The following CCDC15 variants were observed in gnomAD, a reference collection of about 807,000 sequenced individuals.
CCDC15 encodes coiled-coil domain containing 15, also known as coiled-coil domain-containing protein 15.
CCDC15 carries 105 observed loss-of-function variants against 114.5 expected under a neutral mutation model. The observed-to-expected ratio is 0.92, with a 90% CI of 0.78 to 1.08. The LOEUF is 1.08. Among genes scored for constraint, CCDC15 ranks in the 50% least tolerant of loss-of-function variants. CCDC15 has a pLI of 0.00. For missense variants in CCDC15, 1,105 were observed against 1,093.6 expected (o/e 1.01, Z -0.15); for synonymous variants, 334 against 377.8 (o/e 0.88, Z 1.34).
Position 125,040,616 on chromosome 11 carries a change from A to G in CCDC15, c.2761A>G (p.Ile921Val), listed in dbSNP as rs1948809476. The G allele has an allele frequency of 6.2e-7, 1 of 1,610,706 alleles. No homozygotes were observed. Among genetic ancestry groups the G allele is most frequent in the Non-Finnish European group, 8.5e-7 (1 of 1,178,192 alleles). Reference sequence around the variant, plus strand: ...ATATACTCGGGCACTACATTCATTCATCAATTCCTGTGATGTCCCTGGGGG... The same window carrying G: ...ATATACTCGGGCACTACATTCATTCGTCAATTCCTGTGATGTCCCTGGGGG... ...RAYTRALHSFINSCDVPGGNS... is the reference protein window; with the variant it reads ...RAYTRALHSFVNSCDVPGGNS... The change falls in exon 16 of 16, where the codon ATC (isoleucine) becomes GTC (valine). Residue 921 changes from isoleucine (I) to valine (V), a missense_variant. Physicochemically the swap from Ile to Val is conservative, Grantham distance 29 (BLOSUM62 3). Coordinates refer to ENST00000344762, the MANE Select transcript of CCDC15 (RefSeq NM_025004.3).
At chr11:124,983,170 G>T (rs552404238) in intron 6 of CCDC15, among the ~76,000 whole-genome samples, 1 of 152,150 alleles carries the variant, frequency 6.6e-6, no homozygotes, top group African/African-American at 2.4e-5. Context: ...TGGCCATTTT[G>T]TCTATCAGCT....
chr11:124,985,724 A>G (rs535386123), intron 6 of CCDC15, among the ~76,000 whole-genome samples: 30 of 150,664 alleles, frequency 2.0e-4, no homozygotes, highest in African/African-American at 6.5e-4. Context: ...ATATAAATTT[A>G]TACATAAAAT....
Position 124,977,500 on chromosome 11 carries a change from C to T in CCDC15, c.653C>T (p.Ala218Val), listed in dbSNP as rs1255447011. ...CAGGAAGTGCTTTCCAGGAAACCAG[C>T]ATCCACTGGGATAAATACAGGAATA... ...TREEVLSRKP[A>V]STGINTGIRG... Residue 218 changes from alanine to valine, a missense_variant, in exon 6 of 16, where the codon GCA (alanine) becomes GTA (valine). Ala to Val is a moderately conservative substitution (Grantham distance 64). Transcript: ENST00000344762. 6.3e-6 allele frequency: 10 copies of T among 1,598,724 alleles called. No individual in the cohort carries two copies. Among genetic ancestry groups the T allele is most frequent in the Non-Finnish European group, 8.5e-6 (10 of 1,172,392 alleles).
chr11:124,978,450 A>G (rs1317972940), intron 6 of CCDC15, among the ~76,000 whole-genome samples: 6 of 152,172 alleles, frequency 3.9e-5, no homozygotes, highest in Non-Finnish European at 8.8e-5. Context: ...TGCTTTCCAC[A>G]ATGGCCGAAC....
intron 13 of CCDC15, among the ~76,000 whole-genome samples, chr11:125,006,994 G>T (rs1225724096): frequency 6.6e-6 from 1 of 152,074 alleles, no homozygotes; most frequent in Non-Finnish European, 1.5e-5. Context: ...GTAATATTTT[G>T]ATAACATGCA....
At position 125,038,414 on chromosome 11, in the gene CCDC15, T is replaced by A. The variant is rs968428451; in HGVS notation, c.2412-17T>A. ...AATTTTATGAAATTCCTAACCATGT[T>A]ATGATTTTATTTTCAGAATTAAGAA... is the stretch of plus-strand genomic sequence containing the variant. On this transcript the variant is annotated splice_polypyrimidine_tract_variant and intron_variant, in intron 13 of 15. Transcript: ENST00000344762. 4.3e-6 allele frequency: 6 copies of A among 1,400,536 alleles called. No individual in the cohort carries two copies. The highest frequency in any genetic ancestry group is 6.0e-5 in the Admixed American group (2 of 33,510). The allele number at this position is 1,400,536 out of a possible 1,614,324, so 86.8% of individuals were successfully genotyped here. A position where few individuals can be genotyped will look rare whatever the true frequency, so the allele number is the denominator to read the frequency against.
At chr11:125,009,308 A>C (rs528547551) in intron 13 of CCDC15, among the ~76,000 whole-genome samples, 1 of 152,180 alleles carries the variant, frequency 6.6e-6, no homozygotes, top group Non-Finnish European at 1.5e-5. Context: ...TGCATAATGC[A>C]CTAAACAAAG....
chr11:124,958,350 CTA>C lies in CCDC15; in HGVS notation c.178-763_178-762del, dbSNP rs1208793941. 1.5e-4 allele frequency among the ~76,000 whole-genome samples: 22 copies of C among 149,216 alleles called. No individual in the cohort carries two copies. The East Asian group carries it at 4.3e-3, about 29-fold the overall frequency. On this transcript the variant is annotated intron_variant, in intron 2 of 15. Transcript: ENST00000344762. ...AATTAATAAATTTTCTTAATTAACA[CTA>C]TGAGTTTTTTTGTGATTTTTTTTTT...
chr11:125,032,554 A>G (rs943741422), intron 13 of CCDC15, among the ~76,000 whole-genome samples: 19 of 152,348 alleles, frequency 1.2e-4, no homozygotes, highest in Non-Finnish European at 2.2e-4. Context: ...CCAACCCTGC[A>G]TCTTTCGAGT....
In CCDC15 at chr11:124,988,955, C is replaced by T. The variant is rs187537737; in HGVS notation, c.1908+821C>T. ...CCTCAAAGTCCATGAGGGTTCGAAT[C>T]AACTTCTTCCAAACTCCTGTTAAGG... is the stretch of plus-strand genomic sequence containing the variant. On this transcript the variant is annotated intron_variant, in intron 8 of 15. Coordinates refer to ENST00000344762, the MANE Select transcript of CCDC15 (RefSeq NM_025004.3). Among the ~76,000 whole-genome samples, 29 of 152,320 alleles carry T rather than the reference C, an allele frequency of 1.9e-4. No homozygotes were observed. The East Asian group carries it at 4.1e-3, about 21-fold the overall frequency.
At chr11:125,018,316 C>G (rs1948641199) in intron 13 of CCDC15, among the ~76,000 whole-genome samples, 1 of 152,034 alleles carries the variant, frequency 6.6e-6, no homozygotes, top group South Asian at 2.1e-4. Context: ...ATGTACTGTA[C>G]AGGCTTGTAG....
At chr11:124,955,459 T>G (rs929029564) in intron 2 of CCDC15, among the ~76,000 whole-genome samples, 2 of 152,258 alleles carry the variant, frequency 1.3e-5, no homozygotes, top group African/African-American at 4.8e-5. Context: ...CCTTAGCTAT[T>G]TGTTCAAATT....
Position 124,987,897 on chromosome 11 carries a change from T to C in CCDC15, c.1671T>C (p.Cys557=). The C allele has an allele frequency of 6.2e-7, 1 of 1,613,988 alleles. No homozygotes were observed. The highest frequency in any genetic ancestry group is 8.5e-7 in the Non-Finnish European group (1 of 1,179,882). ...AAGACTGGAATATTCTACCCAAATG[T>C]CAGGACCAGGATTTTCTACCCAGAG... is the stretch of plus-strand genomic sequence containing the variant. The part of the protein sequence containing the change: ...LPKDWNILPK[C]QDQDFLPRDQ... The change falls in exon 8 of 16, where the codon TGT becomes TGC. Residue 557 remains cysteine, a synonymous_variant. Coordinates refer to ENST00000344762, the MANE Select transcript of CCDC15 (RefSeq NM_025004.3).
At chr11:124,964,167 A>G (rs1158418698) in intron 4 of CCDC15, among the ~76,000 whole-genome samples, 1 of 152,128 alleles carries the variant, frequency 6.6e-6, no homozygotes, top group Non-Finnish European at 1.5e-5. Flanking sequence ...AGTTTTTTCC[A>G]GTTCTGTGAA....
At chr11:124,976,685 C>T (rs891055054) in intron 5 of CCDC15, among the ~76,000 whole-genome samples, 3 of 152,060 alleles carry the variant, frequency 2.0e-5, no homozygotes, top group Non-Finnish European at 4.4e-5. Flanking sequence ...GGAACATGCT[C>T]AGACCTTTCA....
intron 13 of CCDC15, among the ~76,000 whole-genome samples, chr11:125,023,806 A>G (rs1948677633): frequency 1.3e-5 from 2 of 152,076 alleles, no homozygotes; most frequent in South Asian, 4.1e-4. Context: ...GGGCAATAAA[A>G]ATGAAAGAAG....
At position 125,005,219 on chromosome 11, in the gene CCDC15, TATTCG is replaced by T. The variant is rs1182838623; in HGVS notation, c.2411+10_2411+14del. The stretch of plus-strand genomic sequence containing the variant: ...AAAAGAAGAAAATTGAAAAGTAAGT[TATTCG>T]ATCTGCTCTGTGAGCCTTAAATTGC... On this transcript the variant is annotated splice_region_variant and intron_variant, in intron 13 of 15. Transcript: ENST00000344762. 2.4e-6 allele frequency: 3 copies of T among 1,266,784 alleles called. No homozygotes were observed. In the East Asian group the frequency reaches 7.2e-5, roughly 30 times the overall value. 78.5% of individuals were successfully genotyped at this position (1,266,784 alleles called of 1,614,324 possible).
At chr11:125,014,688 A>G (rs1355095242) in intron 13 of CCDC15, among the ~76,000 whole-genome samples, 1 of 152,186 alleles carries the variant, frequency 6.6e-6, no homozygotes, top group Non-Finnish European at 1.5e-5. Context: ...TAACAGTACC[A>G]GATAGTGGCA....
chr11:124,981,868 A>C (rs189114536), intron 6 of CCDC15, among the ~76,000 whole-genome samples: 1 of 152,166 alleles, frequency 6.6e-6, no homozygotes, highest in African/African-American at 2.4e-5. Flanking sequence ...TGATCCGCCC[A>C]CCTCAGCTTC....
Sources: allele counts gnomAD v4.1 joint callset (sites outside exome capture counted in the v4.1 genomes callset), GRCh38; gene constraint gnomAD v4.1.1; transcripts MANE v1.5; gene names NCBI Gene and HGNC (gene_info 2026-07-23, HGNC 2026-07-21).